The following ALOX5AP variants were observed in gnomAD, a reference collection of about 807,000 sequenced individuals.
ALOX5AP encodes the protein arachidonate 5-lipoxygenase activating protein, also known as arachidonate 5-lipoxygenase-activating protein.
Under a neutral mutation model 18.5 loss-of-function variants are expected in ALOX5AP, and 9 were observed. The ratio of observed to expected loss-of-function variants is 0.49; its 90% confidence interval spans 0.29 to 0.85. The LOEUF (loss-of-function observed/expected upper bound fraction) is 0.85. Ranked by LOEUF, ALOX5AP falls within the 40% of genes least tolerant of loss-of-function variation. ALOX5AP has a pLI of 0.08. For missense variants in ALOX5AP, 172 were observed against 202.5 expected (o/e 0.85, Z 0.91); for synonymous variants, 81 against 78.6 (o/e 1.03, Z -0.16).
chr13:30,715,027 G>C (rs1257863507), intron 1 of ALOX5AP, among the ~76,000 whole-genome samples: 1 of 152,208 alleles, frequency 6.6e-6, no homozygotes, highest in East Asian at 1.9e-4. Context: ...CACATAGGAG[G>C]CTTGTCCTCT....
chr13:30,744,366 G>A (rs1469526331), intron 2 of ALOX5AP: 5 of 507,682 alleles, frequency 9.8e-6, no homozygotes, highest in Non-Finnish European at 1.8e-5. Flanking sequence ...CAAAGGGAGT[G>A]GGGATATGGG....
intron 1 of ALOX5AP, among the ~76,000 whole-genome samples, chr13:30,720,888 T>G (rs927814918): frequency 6.6e-6 from 1 of 152,144 alleles, no homozygotes; most frequent in African/African-American, 2.4e-5. Flanking sequence ...CTGAGAGCAT[T>G]TTATGGAGGG....
intron 2 of ALOX5AP, among the ~76,000 whole-genome samples, chr13:30,748,612 G>T (rs151290192): frequency 5.8e-4 from 89 of 152,262 alleles, no homozygotes; most frequent in African/African-American, 1.9e-3. Context: ...AGAAAATCCA[G>T]AATAATAATA....
chr13:30,758,651 C>A (rs567209344), intron 4 of ALOX5AP, among the ~76,000 whole-genome samples: 1 of 152,322 alleles, frequency 6.6e-6, no homozygotes, highest in Non-Finnish European at 1.5e-5. Context: ...CTCTTATTTT[C>A]AGCCCTTCAT....
chr13:30,748,385 A>G (rs191931573), intron 2 of ALOX5AP, among the ~76,000 whole-genome samples: 1 of 152,328 alleles, frequency 6.6e-6, no homozygotes, highest in Admixed American at 6.5e-5. Flanking sequence ...AAGAGTTTCT[A>G]TGTTTTATTC....
rs60649469 is a variant in ALOX5AP, at chr13:30,713,842, G to GTA, written c.116+2_116+3insAT. 1,060,224 of 1,447,104 alleles carry GTA rather than the reference G, an allele frequency of 0.73. 383,826 individuals carry two copies. Among genetic ancestry groups the GTA allele is most frequent in the Non-Finnish European group, 0.76 (832,769 of 1,090,112 alleles). 89.6% of individuals were successfully genotyped at this position (1,447,104 alleles called of 1,614,324 possible). On this transcript the variant is annotated splice_donor_variant, in intron 1 of 5. Coordinates refer to the ALOX5AP transcript ENST00000617770. LOFTEE classifies it high-confidence loss of function. ...TTGGGAACATAAGCCATCAGTGCTG[G>GTA]TGTGTGTGTGTGTGCGCGCACACGC...
rs549200728 is a variant in ALOX5AP at position 30,751,135 on chromosome 13, C to T, written c.171-917C>T. On this transcript the variant is annotated intron_variant, in intron 2 of 4. Transcript: ENST00000380490. The stretch of plus-strand genomic sequence containing the variant: ...CTGGAGTGCAGTGGTGTGATCTTGG[C>T]TCGCTGCAACCTCCGCCTCCCAGGT... Among the ~76,000 whole-genome samples the T allele has an allele frequency of 2.6e-5, 4 of 152,178 alleles. No individual in the cohort carries two copies. In the South Asian group the frequency reaches 6.2e-4, roughly 24 times the overall value.
At chr13:30,727,008 T>C (rs1274209201) in intron 1 of ALOX5AP, among the ~76,000 whole-genome samples, 1 of 151,418 alleles carries the variant, frequency 6.6e-6, no homozygotes, top group Non-Finnish European at 1.5e-5. Flanking sequence ...GGTTAGTGCA[T>C]TTTCTGTTGG....
At chr13:30,763,162 G>A (rs1235840511) in intron 4 of ALOX5AP, among the ~76,000 whole-genome samples, 1 of 152,176 alleles carries the variant, frequency 6.6e-6, no homozygotes, top group Non-Finnish European at 1.5e-5. Context: ...CAAAAAGTTA[G>A]CTGGGAGTGG....
chr13:30,719,966 A>G (rs112329026), intron 1 of ALOX5AP, among the ~76,000 whole-genome samples: 1 of 151,944 alleles, frequency 6.6e-6, no homozygotes. Context: ...GGTTCAAGCA[A>G]TTCTCCTGCC....
intron 1 of ALOX5AP, among the ~76,000 whole-genome samples, chr13:30,722,311 C>T (rs977616152): frequency 2.0e-5 from 3 of 152,208 alleles, no homozygotes; most frequent in Non-Finnish European, 4.4e-5. Flanking sequence ...AAGAAGGCAC[C>T]TATGTTCTTG....
exon 1 of ALOX5AP, chr13:30,713,721 C>T (rs1307925138): frequency 6.6e-7 from 1 of 1,522,338 alleles, no homozygotes; most frequent in African/African-American, 1.4e-5. Flanking sequence ...TCAACAGAAA[C>T]AAAAATGCTC....
chr13:30,741,103 CTTTTTTTTTTTTTTTTTTT>C lies in ALOX5AP; in HGVS notation c.71-2940_71-2922del, dbSNP rs59980433. ...TTAACCTACACACATCCTCCATATC[CTTTTTTTTTTTTTTTTTTT>C]TTTTTTTTTTTTTTTTGTGAGATGG... is the stretch of plus-strand genomic sequence containing the variant. On this transcript the variant is annotated intron_variant, in intron 1 of 4. Coordinates refer to ENST00000380490, the MANE Select transcript of ALOX5AP (RefSeq NM_001629.4). Among the ~76,000 whole-genome samples, 114 of 64,012 alleles carry C rather than the reference CTTTTTTTTTTTTTTTTTTT, an allele frequency of 1.8e-3. 2 individuals are homozygous for C. Among genetic ancestry groups the C allele is most frequent in the African/African-American group, 6.9e-3 (107 of 15,464 alleles). The allele number at this position is 64,012 out of a possible 152,430, so 42.0% of individuals were successfully genotyped here.
intron 1 of ALOX5AP, among the ~76,000 whole-genome samples, chr13:30,729,373 A>C (rs894966378): frequency 2.6e-5 from 4 of 152,136 alleles, no homozygotes; most frequent in Admixed American, 1.3e-4. Flanking sequence ...TTGTTCTAGC[A>C]CCCTTGTTAA....
At chr13:30,742,127 C>T (rs533966341) in intron 1 of ALOX5AP, among the ~76,000 whole-genome samples, 1 of 151,956 alleles carries the variant, frequency 6.6e-6, no homozygotes, top group African/African-American at 2.4e-5. Context: ...ACCAGCCTGG[C>T]CAATATGGTG....
intron 1 of ALOX5AP, among the ~76,000 whole-genome samples, chr13:30,740,062 G>A (rs1951750820): frequency 6.6e-6 from 1 of 152,126 alleles, no homozygotes; most frequent in Non-Finnish European, 1.5e-5. Context: ...TCGGCCTAAC[G>A]TTTCTGAAGT....
At chr13:30,737,438 T>TA (rs909728797) in intron 1 of ALOX5AP, among the ~76,000 whole-genome samples, 1 of 152,206 alleles carries the variant, frequency 6.6e-6, no homozygotes, top group Admixed American at 6.5e-5. Flanking sequence ...TTTTGACAGA[T>TA]AGGATTAAGT....
At chr13:30,728,804 C>T (rs1247176108) in intron 1 of ALOX5AP, among the ~76,000 whole-genome samples, 3 of 152,142 alleles carry the variant, frequency 2.0e-5, no homozygotes, top group Non-Finnish European at 4.4e-5. Context: ...GCTATGATCA[C>T]GCCACTGCAC....
chr13:30,759,537 G>C (rs1481003123), intron 4 of ALOX5AP, among the ~76,000 whole-genome samples: 1 of 152,160 alleles, frequency 6.6e-6, no homozygotes. Flanking sequence ...GAGACCCAAG[G>C]TGTCTCCTAG....
Sources: gnomAD v4.1 joint callset for allele counts (sites outside exome capture counted in the v4.1 genomes callset) on GRCh38, gnomAD v4.1.1 for gene constraint, MANE v1.5 for transcripts, NCBI Gene and HGNC (gene_info 2026-07-23, HGNC 2026-07-21) for gene names.